FANCC: variants seen among roughly 807,000 people sequenced by gnomAD.
The protein encoded by FANCC is FA complementation group C.
A neutral mutation model predicts 71.3 loss-of-function variants in FANCC; 55 were observed. That is an observed-to-expected ratio of 0.77 (90% CI 0.62 to 0.97). The LOEUF (loss-of-function observed/expected upper bound fraction) is 0.97, where lower values mean the gene tolerates loss of function less well. Among genes scored for constraint, FANCC ranks in the 50% least tolerant of loss-of-function variants. FANCC has a pLI of 0.00. For missense variants in FANCC, 678 were observed against 670.9 expected (o/e 1.01, Z -0.12); for synonymous variants, 275 against 244.9 (o/e 1.12, Z -1.15).
At chr9:95,110,161 A>ATTTTT (rs948138375) in intron 13 of FANCC, 1 of 807,610 alleles carries the variant, frequency 1.2e-6, no homozygotes, top group Non-Finnish European at 1.5e-6. Context: ...CAAGGGTTTT[A>ATTTTT]TTTTTTCATA....
At chr9:95,314,446 G>A (rs1835612065) in intron 1 of FANCC, among the ~76,000 whole-genome samples, 1 of 152,170 alleles carries the variant, frequency 6.6e-6, no homozygotes, top group Admixed American at 6.5e-5. Flanking sequence ...GAGGTCAGGA[G>A]TTTGAGACCA....
At chr9:95,236,889 G>A (rs563061372) in intron 4 of FANCC, among the ~76,000 whole-genome samples, 1 of 152,260 alleles carries the variant, frequency 6.6e-6, no homozygotes, top group East Asian at 1.9e-4. Flanking sequence ...CAGATACTAT[G>A]TCACTCTAAA....
chr9:95,195,714 T>C (rs1827413682), intron 4 of FANCC, among the ~76,000 whole-genome samples: 1 of 152,232 alleles, frequency 6.6e-6, no homozygotes, highest in Admixed American at 6.5e-5. Context: ...AACTGACATC[T>C]TTACTAAGTT....
At chr9:95,178,718 C>A (rs981088988) in intron 4 of FANCC, among the ~76,000 whole-genome samples, 1 of 152,244 alleles carries the variant, frequency 6.6e-6, no homozygotes, top group African/African-American at 2.4e-5. Flanking sequence ...CACACGGACA[C>A]AGCACCCAAT....
At chr9:95,231,293 G>A (rs971283854) in intron 4 of FANCC, among the ~76,000 whole-genome samples, 5 of 152,182 alleles carry the variant, frequency 3.3e-5, no homozygotes, top group African/African-American at 1.2e-4. Context: ...TTTCAATGGT[G>A]GTTGCAAACA....
intron 4 of FANCC, among the ~76,000 whole-genome samples, chr9:95,186,940 C>T (rs533506395): frequency 2.2e-4 from 33 of 152,026 alleles, no homozygotes; most frequent in African/African-American, 8.0e-4. Flanking sequence ...TACAGGCATG[C>T]GCCACCACGC....
rs1036651087 is a variant in FANCC, at chr9:95,316,355, T to C, written c.-79+1171A>G. Among the ~76,000 whole-genome samples, 36 of 152,202 alleles carry C rather than the reference T, an allele frequency of 2.4e-4. 1 individual carries two copies. Among genetic ancestry groups the C allele is most frequent in the Non-Finnish European group, 4.4e-5 (3 of 68,026 alleles). Reference sequence around the variant, plus strand: ...ATGTATAAAGTCGCAATGAACATGTTTTCCATCTAAGCTTAGGTAATGAAT... The same window carrying C: ...ATGTATAAAGTCGCAATGAACATGTCTTCCATCTAAGCTTAGGTAATGAAT... On this transcript the variant is annotated intron_variant, in intron 1 of 14. Coordinates refer to ENST00000289081, the MANE Select transcript of FANCC (RefSeq NM_000136.3).
intron 1 of FANCC, among the ~76,000 whole-genome samples, chr9:95,304,603 A>C (rs1191896993): frequency 7.0e-6 from 1 of 143,642 alleles, no homozygotes; most frequent in Non-Finnish European, 1.5e-5. Flanking sequence ...AAAAAAAAAT[A>C]GGTGGGCGTG....
intron 3 of FANCC, among the ~76,000 whole-genome samples, chr9:95,245,392 C>G (rs1830901432): frequency 6.6e-6 from 1 of 151,932 alleles, no homozygotes. Flanking sequence ...CCAAGACCCT[C>G]AGGGGATGTC....
At chr9:95,312,136 G>GCC (rs1234788611) in intron 1 of FANCC, among the ~76,000 whole-genome samples, 2 of 152,130 alleles carry the variant, frequency 1.3e-5, no homozygotes, top group Admixed American at 1.3e-4. Context: ...CTTCATAAAA[G>GCC]CCTACATACT....
intron 6 of FANCC, among the ~76,000 whole-genome samples, chr9:95,156,699 G>A (rs1444728274): frequency 6.6e-6 from 1 of 152,066 alleles, no homozygotes; most frequent in Admixed American, 6.6e-5. Context: ...CAGTTCTCCA[G>A]TGAATTATAA....
intron 1 of FANCC, chr9:95,294,605 G>A: frequency 1.9e-6 from 3 of 1,559,968 alleles, no homozygotes; most frequent in Non-Finnish European, 2.7e-6. Flanking sequence ...GCTCTAGAAA[G>A]CAAAGTTCAG....
At chr9:95,297,855 T>A (rs1207434508) in intron 1 of FANCC, among the ~76,000 whole-genome samples, 1 of 152,208 alleles carries the variant, frequency 6.6e-6, no homozygotes, top group Non-Finnish European at 1.5e-5. Flanking sequence ...ATGTTAAGTG[T>A]GAGGGGGACT....
chr9:95,317,460 T>A (rs1835837540), intron 1 of FANCC, 66 bp downstream of exon 1: 1 of 152,404 alleles, frequency 6.6e-6, no homozygotes, highest in Admixed American at 6.5e-5. Flanking sequence ...CTCTCGCCGC[T>A]GACGTGTCGG....
In FANCC at chr9:95,159,218, T is replaced by A. The variant is rs182521189; in HGVS notation, c.522-9131A>T. On this transcript the variant is annotated intron_variant, in intron 6 of 14. Transcript: ENST00000289081. ...CCACAACAAGCCCCAGGGTGTGATG[T>A]TCCCCACCCTGTGTCCAAGTGTTCT... Among the ~76,000 whole-genome samples the A allele has an allele frequency of 1.6e-4, 25 of 152,296 alleles. No homozygotes were observed. The East Asian group carries it at 4.8e-3, about 29-fold the overall frequency.
intron 6 of FANCC, among the ~76,000 whole-genome samples, chr9:95,164,642 A>G (rs1452114911): frequency 6.6e-6 from 1 of 152,022 alleles, no homozygotes. Context: ...TCAAGGAATA[A>G]TTTTCATTCA....
At chr9:95,208,256 C>T (rs891356082) in intron 4 of FANCC, among the ~76,000 whole-genome samples, 1 of 151,820 alleles carries the variant, frequency 6.6e-6, no homozygotes, top group African/African-American at 2.4e-5. Context: ...CACCACCACA[C>T]CTGGCTAATT....
chr9:95,236,403 A>G (rs1312506989), intron 4 of FANCC, among the ~76,000 whole-genome samples: 4 of 152,192 alleles, frequency 2.6e-5, no homozygotes, highest in Non-Finnish European at 4.4e-5. Flanking sequence ...TTTCAAGACC[A>G]CATATTCCCA....
At chr9:95,245,424 A>C (rs1433245788) in intron 3 of FANCC, among the ~76,000 whole-genome samples, 1 of 151,972 alleles carries the variant, frequency 6.6e-6, no homozygotes, top group Admixed American at 6.5e-5. Flanking sequence ...ATAGTACCAA[A>C]CCTTAAATAC....
Sources: allele counts gnomAD v4.1 joint callset (sites outside exome capture counted in the v4.1 genomes callset), GRCh38; gene constraint gnomAD v4.1.1; transcripts MANE v1.5; gene names NCBI Gene and HGNC (gene_info 2026-07-23, HGNC 2026-07-21).